The following COL26A1 variants were observed in gnomAD, a reference collection of about 807,000 sequenced individuals.
The protein encoded by COL26A1 is collagen type XXVI alpha 1 chain, also known as collagen alpha-1(XXVI) chain.
A neutral mutation model predicts 59.3 loss-of-function variants in COL26A1; 41 were observed. The ratio of observed to expected loss-of-function variants is 0.69; its 90% confidence interval spans 0.54 to 0.90. The LOEUF (loss-of-function observed/expected upper bound fraction) is 0.90. Among genes scored for constraint, COL26A1 ranks in the 40% least tolerant of loss-of-function variants. The pLI is 0.00. For synonymous variants in COL26A1, 266 were observed against 256.0 expected (o/e 1.04, Z -0.37); for missense variants, 612 against 602.3 (o/e 1.02, Z -0.17).
intron 1 of COL26A1, among the ~76,000 whole-genome samples, chr7:101,384,157 G>T (rs1791511645): frequency 6.6e-6 from 1 of 151,634 alleles, no homozygotes; most frequent in Admixed American, 6.6e-5. Context: ...GAGACCACAG[G>T]CGTGCGCCAC....
intron 2 of COL26A1, among the ~76,000 whole-genome samples, chr7:101,445,141 A>G (rs1562983027): frequency 2.0e-5 from 3 of 151,744 alleles, no homozygotes; most frequent in African/African-American, 7.3e-5. Flanking sequence ...ATGCCTGGCC[A>G]GGTACTTTAT....
At chr7:101,422,173 G>A (rs1311904757) in intron 2 of COL26A1, among the ~76,000 whole-genome samples, 7 of 151,942 alleles carry the variant, frequency 4.6e-5, no homozygotes, top group South Asian at 2.1e-4. Flanking sequence ...TTAGCCAGAC[G>A]TGGTGGTGGG....
At chr7:101,481,170 A>G (rs748582843) in intron 3 of COL26A1, among the ~76,000 whole-genome samples, 1 of 152,164 alleles carries the variant, frequency 6.6e-6, no homozygotes, top group Non-Finnish European at 1.5e-5. Context: ...GCTGATCAGC[A>G]GACAGTTTTC....
intron 3 of COL26A1, among the ~76,000 whole-genome samples, chr7:101,507,776 T>C (rs919421386): frequency 1.3e-5 from 2 of 151,854 alleles, no homozygotes; most frequent in South Asian, 4.2e-4. Flanking sequence ...ACCTCCGGTC[T>C]CTCCCCACCA....
intron 1 of COL26A1, among the ~76,000 whole-genome samples, chr7:101,409,769 C>CT (rs375617961): frequency 4.6e-4 from 69 of 151,392 alleles, no homozygotes; most frequent in African/African-American, 1.3e-3. Flanking sequence ...AGGCTAGGGT[C>CT]TTTTTTTTTG....
At chr7:101,556,031 T>C (rs947903349) in intron 12 of COL26A1, among the ~76,000 whole-genome samples, 160 bp downstream of exon 12, 1 of 152,122 alleles carries the variant, frequency 6.6e-6, no homozygotes, top group Non-Finnish European at 1.5e-5. Context: ...GGCTCCCTGC[T>C]GCCCTTGACA....
At chr7:101,536,015 AGAGG>A (rs956261999) in intron 4 of COL26A1, among the ~76,000 whole-genome samples, 1 of 152,064 alleles carries the variant, frequency 6.6e-6, no homozygotes, top group Non-Finnish European at 1.5e-5. Context: ...ACGTATGTTG[AGAGG>A]GCCTCTAGGA....
At chr7:101,430,968 T>A (rs1249092228) in intron 2 of COL26A1, among the ~76,000 whole-genome samples, 1 of 151,978 alleles carries the variant, frequency 6.6e-6, no homozygotes, top group African/African-American at 2.4e-5. Context: ...TAATTTTTTT[T>A]ATTTTTTATT....
At chr7:101,372,291 A>G (rs1791213810) in intron 1 of COL26A1, among the ~76,000 whole-genome samples, 1 of 151,932 alleles carries the variant, frequency 6.6e-6, no homozygotes, top group Non-Finnish European at 1.5e-5. Context: ...CCAGCCTCCC[A>G]AGTAGCTGGG....
chr7:101,447,662 C>A (rs372718678), intron 2 of COL26A1, 22 bp from the exon 3 acceptor site: 2 of 1,506,312 alleles, frequency 1.3e-6, no homozygotes, highest in Non-Finnish European at 1.8e-6. Context: ...CTCATGCCCC[C>A]CTGACGCTGT....
Position 101,489,832 on chromosome 7 carries a change from T to TG in COL26A1, c.385+42045_385+42046insG, listed in dbSNP as rs1180769674. Among the ~76,000 whole-genome samples the TG allele has an allele frequency of 1.5e-3, 22 of 14,614 alleles. 5 individuals carry two copies. The highest frequency in any genetic ancestry group is 3.7e-3 in the African/African-American group (5 of 1,334). The allele number at this position is 14,614 out of a possible 152,430, so 9.6% of individuals were successfully genotyped here. A position where few individuals can be genotyped will look rare whatever the true frequency, so the allele number is the denominator to read the frequency against. ...TTTCTTTCTTTCTTTCTTTCTTTCT[T>TG]TCTTTCTTTCTTTCTTTCTTTCTTT... On this transcript the variant is annotated intron_variant, in intron 3 of 12. Transcript: ENST00000313669.
chr7:101,498,804 A>G (rs1415775554), intron 3 of COL26A1, among the ~76,000 whole-genome samples: 2 of 152,140 alleles, frequency 1.3e-5, no homozygotes, highest in African/African-American at 4.8e-5. Context: ...TGTTGTTGGG[A>G]GACGCAGGCT....
intron 2 of COL26A1, among the ~76,000 whole-genome samples, chr7:101,433,822 G>T (rs2130328024): frequency 6.6e-6 from 1 of 152,190 alleles, no homozygotes; most frequent in African/African-American, 2.4e-5. Flanking sequence ...TGATTTCCAG[G>T]CTGACTCTTC....
chr7:101,438,628 C>T (rs1400394978), intron 2 of COL26A1, among the ~76,000 whole-genome samples: 5 of 151,410 alleles, frequency 3.3e-5, no homozygotes, highest in African/African-American at 7.3e-5. Context: ...GGGCCGAGTA[C>T]GCAGGCATTC....
chr7:101,499,481 C>T (rs900098645), intron 3 of COL26A1, among the ~76,000 whole-genome samples: 2 of 152,078 alleles, frequency 1.3e-5, no homozygotes, highest in South Asian at 2.1e-4. Flanking sequence ...GTCAGGAGTT[C>T]GAGACCAGCC....
At chr7:101,511,818 C>T (rs1046935261) in intron 3 of COL26A1, among the ~76,000 whole-genome samples, 7 of 152,074 alleles carry the variant, frequency 4.6e-5, no homozygotes, top group Non-Finnish European at 7.4e-5. Flanking sequence ...CATAGTAAGA[C>T]TCCATCTCTA....
At chr7:101,489,676 C>CTGT (rs1491201925) in intron 3 of COL26A1, among the ~76,000 whole-genome samples, 336 of 23,926 alleles carry the variant, frequency 0.014, 26 homozygotes, top group Middle Eastern at 0.1. Context: ...TTCCTTCCTT[C>CTGT]CTTCCTTTCT....
At chr7:101,555,248 C>T (rs550940000) in intron 11 of COL26A1, among the ~76,000 whole-genome samples, 2 of 152,284 alleles carry the variant, frequency 1.3e-5, no homozygotes, top group East Asian at 3.9e-4. Context: ...ATCACGCCAG[C>T]CTGCCTGCCT....
At chr7:101,556,619 G>A (rs1332675120) in intron 12 of COL26A1, among the ~76,000 whole-genome samples, 6 of 148,230 alleles carry the variant, frequency 4.0e-5, no homozygotes, top group African/African-American at 1.5e-4. Flanking sequence ...GGATGGATGA[G>A]TGGACAGGTG....
Sources: allele counts gnomAD v4.1 joint callset (sites outside exome capture counted in the v4.1 genomes callset), GRCh38; gene constraint gnomAD v4.1.1; transcripts MANE v1.5; gene names NCBI Gene and HGNC (gene_info 2026-07-23, HGNC 2026-07-21).